The following CD84 variants were observed in gnomAD, a reference collection of about 807,000 sequenced individuals.
CD84 encodes SLAM family member 5.
A neutral mutation model predicts 33.8 loss-of-function variants in CD84; 22 were observed. The observed-to-expected ratio is 0.65, with a 90% confidence interval of 0.46 to 0.93. The LOEUF is 0.93. Ranked by LOEUF, CD84 falls within the 40% of genes least tolerant of loss-of-function variation. The pLI is 0.00. For synonymous variants in CD84, 154 were observed against 145.2 expected (o/e 1.06, Z -0.44); for missense variants, 400 against 397.6 (o/e 1.01, Z -0.05).
chr1:160,558,623 T>C (rs1334988271), intron 2 of CD84, among the ~76,000 whole-genome samples: 1 of 152,182 alleles, frequency 6.6e-6, no homozygotes, highest in African/African-American at 2.4e-5. Context: ...AGCAAAGAAC[T>C]GGGCTGAGGC....
At position 160,543,043 on chromosome 1, in the gene CD84, G is replaced by T. The variant is rs1202479164; in HGVS notation, c.*5213C>A. ...TCTCTTATTTTATATTAACTCATCA[G>T]AATGTTTATGACCTGAAACCCCTGC... On this transcript the variant is annotated 3_prime_UTR_variant, in exon 7 of 7. Coordinates refer to ENST00000368054, the MANE Select transcript of CD84 (RefSeq NM_003874.4). 1 of 152,006 alleles carries T rather than the reference G, an allele frequency of 6.6e-6. No homozygotes were observed. Among genetic ancestry groups the T allele is most frequent in the Non-Finnish European group, 1.5e-5 (1 of 68,020 alleles). 9.4% of individuals were successfully genotyped at this position (152,006 alleles called of 1,614,324 possible). A position where few individuals can be genotyped will look rare whatever the true frequency, so the allele number is the denominator to read the frequency against.
intron 1 of CD84, among the ~76,000 whole-genome samples, chr1:160,575,494 A>AACACACACACACACACACACAC (rs3078967): frequency 2.0e-5 from 3 of 146,706 alleles, no homozygotes; most frequent in African/African-American, 7.5e-5. Context: ...GTTCCTTCAA[A>AACACACACACACACACACACAC]ACACACACAC....
chr1:160,546,219 C>T lies in CD84; in HGVS notation c.*2037G>A, dbSNP rs1655822825. 1 of 152,140 alleles carries T rather than the reference C, an allele frequency of 6.6e-6. No homozygotes were observed. The highest frequency in any genetic ancestry group is 2.1e-4 in the South Asian group (1 of 4,824). 9.4% of individuals were successfully genotyped at this position (152,140 alleles called of 1,614,324 possible). On this transcript the variant is annotated 3_prime_UTR_variant, in exon 7 of 7. Transcript: ENST00000368054. ...GCCAGACTAATCTCGAACTCCTGAC[C>T]TCAGGTGATCCGCCTGCCTTGGCCT...
chr1:160,559,196 C>T (rs1048000079), intron 2 of CD84, among the ~76,000 whole-genome samples: 6 of 151,890 alleles, frequency 4.0e-5, no homozygotes, highest in Admixed American at 3.3e-4. Flanking sequence ...TCTCCAAGGT[C>T]GAAATGAAAG....
In CD84 at chr1:160,565,414, C is replaced by A; in HGVS notation, c.378G>T (p.Leu126=). 5 of 1,594,048 alleles carry A rather than the reference C, an allele frequency of 3.1e-6. No individual in the cohort carries two copies. The highest frequency in any genetic ancestry group is 4.3e-6 in the Non-Finnish European group (5 of 1,169,606). ...DPYTTTKRYN[L]QIYRRLGKPK... is the part of the protein sequence containing the mutation. Reference sequence around the variant, plus strand: ...CTTCCCATGACTTACGATAGATTTGCAGGTTGTAGCGCTTGGTGGTGGTGT... The same window carrying A: ...CTTCCCATGACTTACGATAGATTTGAAGGTTGTAGCGCTTGGTGGTGGTGT... Residue 126 remains leucine, a synonymous_variant, in exon 2 of 7, where the codon CTG becomes CTT. Coordinates refer to ENST00000368054, the MANE Select transcript of CD84 (RefSeq NM_003874.4).
At chr1:160,555,702 G>A (rs908764077) in intron 2 of CD84, among the ~76,000 whole-genome samples, 1 of 152,188 alleles carries the variant, frequency 6.6e-6, no homozygotes, top group Non-Finnish European at 1.5e-5. Context: ...GCTGTGGTGG[G>A]GTTTGTTTCT....
rs1042553087 is a variant in CD84 at position 160,543,918 on chromosome 1, A to G, written c.*4338T>C. On this transcript the variant is annotated 3_prime_UTR_variant, in exon 7 of 7. Coordinates refer to ENST00000368054, the MANE Select transcript of CD84 (RefSeq NM_003874.4). Reference sequence around the variant, plus strand: ...CCCGAACTTTGCCATGCACAGGCACATTCCTGTATGAGCAACACCTCATTT... The same window carrying G: ...CCCGAACTTTGCCATGCACAGGCACGTTCCTGTATGAGCAACACCTCATTT... 5.3e-5 allele frequency: 8 copies of G among 152,250 alleles called. No individual in the cohort carries two copies. Among genetic ancestry groups the G allele is most frequent in the African/African-American group, 1.9e-4 (8 of 41,548 alleles). The allele number at this position is 152,250 out of a possible 1,614,324, so 9.4% of individuals were successfully genotyped here. A position where few individuals can be genotyped will look rare whatever the true frequency, so the allele number is the denominator to read the frequency against.
At chr1:160,574,706 C>T (rs1327128365) in intron 1 of CD84, among the ~76,000 whole-genome samples, 1 of 152,058 alleles carries the variant, frequency 6.6e-6, no homozygotes, top group Non-Finnish European at 1.5e-5. Flanking sequence ...CAGGGACTGG[C>T]CATGAACCCC....
chr1:160,567,828 GGTATTTGGA>G (rs916791708), intron 1 of CD84, among the ~76,000 whole-genome samples: 1 of 152,052 alleles, frequency 6.6e-6, no homozygotes, highest in Non-Finnish European at 1.5e-5. Flanking sequence ...CTAGGAGAGG[GGTATTTGGA>G]GTGTCCCAGC....
intron 1 of CD84, among the ~76,000 whole-genome samples, chr1:160,575,838 G>C (rs576543048): frequency 1.3e-5 from 2 of 152,152 alleles, no homozygotes; most frequent in Non-Finnish European, 2.9e-5. Flanking sequence ...TGGCTGCCTT[G>C]TTGGCCTCCA....
At chr1:160,578,922 G>T (rs1476410376) in intron 1 of CD84, among the ~76,000 whole-genome samples, 3 of 152,092 alleles carry the variant, frequency 2.0e-5, no homozygotes, top group Non-Finnish European at 4.4e-5. Flanking sequence ...TAGAGATGAG[G>T]CTCAACAATG....
Position 160,543,777 on chromosome 1 carries a change from A to G in CD84, c.*4479T>C, listed in dbSNP as rs1433138729. 6.6e-6 allele frequency: 1 copy of G among 152,148 alleles called. No individual in the cohort carries two copies. The highest frequency in any genetic ancestry group is 1.5e-5 in the Non-Finnish European group (1 of 68,024). The allele number at this position is 152,148 out of a possible 1,614,324, so 9.4% of individuals were successfully genotyped here. A position where few individuals can be genotyped will look rare whatever the true frequency, so the allele number is the denominator to read the frequency against. On this transcript the variant is annotated 3_prime_UTR_variant, in exon 7 of 7. Coordinates refer to ENST00000368054, the MANE Select transcript of CD84 (RefSeq NM_003874.4). ...GAGGGATGAGAGTTAAAAGTTTGATATACAACATTAATTTTGCATAATACT... is the reference window on the plus strand; with the variant it reads ...GAGGGATGAGAGTTAAAAGTTTGATGTACAACATTAATTTTGCATAATACT...
intron 2 of CD84, among the ~76,000 whole-genome samples, chr1:160,556,867 A>G (rs921090701): frequency 1.3e-5 from 2 of 152,210 alleles, no homozygotes; most frequent in Non-Finnish European, 2.9e-5. Flanking sequence ...AAAAATCAAT[A>G]TCTTAAAATT....
At chr1:160,559,791 C>G (rs1415211081) in intron 2 of CD84, among the ~76,000 whole-genome samples, 1 of 151,978 alleles carries the variant, frequency 6.6e-6, no homozygotes, top group East Asian at 1.9e-4. Context: ...GAAAAATTTA[C>G]CAAGCAAATG....
chr1:160,573,424 TA>T (rs1449747623), intron 1 of CD84, among the ~76,000 whole-genome samples: 1 of 152,132 alleles, frequency 6.6e-6, no homozygotes, highest in Non-Finnish European at 1.5e-5. Context: ...TTCATAATCT[TA>T]ACCATCACTA....
At chr1:160,569,490 A>G (rs1044440298) in intron 1 of CD84, among the ~76,000 whole-genome samples, 4 of 151,212 alleles carry the variant, frequency 2.6e-5, no homozygotes, top group African/African-American at 2.4e-5. Context: ...TTCGGGGGGA[A>G]TTTGATACCC....
rs114168291 is a variant in CD84 at position 160,557,500 on chromosome 1, C to T, written c.389-3354G>A. On this transcript the variant is annotated intron_variant, in intron 2 of 6. Transcript: ENST00000368054. ...ACCTATATACCTGAATTGCATCTGT[C>T]ACAACATGGATTACCCACATTTCTG... 4.2e-3 allele frequency among the ~76,000 whole-genome samples: 638 copies of T among 152,304 alleles called. 4 individuals carry two copies. Among genetic ancestry groups the T allele is most frequent in the African/African-American group, 0.015 (619 of 41,554 alleles).
intron 2 of CD84, among the ~76,000 whole-genome samples, chr1:160,557,610 A>G (rs1040625432): frequency 6.6e-6 from 1 of 152,276 alleles, no homozygotes; most frequent in African/African-American, 2.4e-5. Context: ...AGTGTTGCCC[A>G]AAAGAAATGT....
chr1:160,552,452 C>T (rs1162269506), intron 4 of CD84, among the ~76,000 whole-genome samples: 2 of 152,152 alleles, frequency 1.3e-5, no homozygotes, highest in East Asian at 3.8e-4. Context: ...GGAATTGGGC[C>T]AAGTATTTTG....
Sources: gnomAD v4.1 joint callset for allele counts (sites outside exome capture counted in the v4.1 genomes callset) on GRCh38, gnomAD v4.1.1 for gene constraint, MANE v1.5 for transcripts, NCBI Gene and HGNC (gene_info 2026-07-23, HGNC 2026-07-21) for gene names.